The following CHSY1 variants were observed in gnomAD, a reference collection of about 807,000 sequenced individuals.
CHSY1 encodes the protein N-acetylgalactosaminyl-proteoglycan 3-beta-glucuronosyltransferase 1.
CHSY1 carries 13 observed loss-of-function variants against 59.8 expected under a neutral mutation model. The observed-to-expected ratio is 0.22, with a 90% CI of 0.14 to 0.35. CHSY1 has a LOEUF of 0.35. Among genes scored for constraint, CHSY1 ranks in the 10% least tolerant of loss-of-function variants. The pLI is 1.00. For synonymous variants in CHSY1, 459 were observed against 401.2 expected, an observed-to-expected ratio of 1.14 and a Z score of -1.72; for missense variants, 947 against 1,030.6, an observed-to-expected ratio of 0.92 and a Z score of 1.11.
chr15:101,189,156 G>A (rs1281499962), intron 2 of CHSY1, among the ~76,000 whole-genome samples: 1 of 152,188 alleles, frequency 6.6e-6, no homozygotes, highest in East Asian at 1.9e-4. Context: ...CGAGCGTGGC[G>A]GGCGAAAGAG....
chr15:101,201,359 G>A (rs1308900947), intron 2 of CHSY1, among the ~76,000 whole-genome samples: 1 of 152,184 alleles, frequency 6.6e-6, no homozygotes, highest in Admixed American at 6.5e-5. Context: ...CAACGTTAAG[G>A]CATCCTGGCA....
Position 101,250,226 on chromosome 15 carries a change from A to G in CHSY1, c.320+911T>C, listed in dbSNP as rs575300210. ...ACATTGGTTTGCTCTGTGGCTGGAT[A>G]AGACCCAAACTTTATCCATACAGTA... is the stretch of plus-strand genomic sequence containing the variant. On this transcript the variant is annotated intron_variant, in intron 1 of 2. Transcript: ENST00000254190. Among the ~76,000 whole-genome samples the G allele has an allele frequency of 5.3e-5, 8 of 152,320 alleles. No individual in the cohort carries two copies. The South Asian group carries it at 1.4e-3, about 28-fold the overall frequency.
intron 2 of CHSY1, among the ~76,000 whole-genome samples, chr15:101,210,263 G>A (rs2038670625): frequency 6.6e-6 from 1 of 152,204 alleles, no homozygotes; most frequent in African/African-American, 2.4e-5. Flanking sequence ...TCTGCATAAT[G>A]TGCAAAGCAA....
intron 2 of CHSY1, among the ~76,000 whole-genome samples, chr15:101,200,471 G>T (rs1335645334): frequency 6.6e-6 from 1 of 152,166 alleles, no homozygotes; most frequent in Non-Finnish European, 1.5e-5. Context: ...AGTCACAAAA[G>T]TCTTTTCTGG....
intron 2 of CHSY1, among the ~76,000 whole-genome samples, chr15:101,221,901 C>T (rs1245109533): frequency 2.6e-5 from 4 of 151,396 alleles, no homozygotes; most frequent in Admixed American, 2.6e-4. Flanking sequence ...TTTAAAATCC[C>T]TGCCAGAGTT....
chr15:101,214,892 A>G (rs2141262903), intron 2 of CHSY1, among the ~76,000 whole-genome samples: 1 of 151,534 alleles, frequency 6.6e-6, no homozygotes, highest in Non-Finnish European at 1.5e-5. Flanking sequence ...AGGTGGCTGG[A>G]TCATGGAGGT....
chr15:101,224,566 G>A (rs1353482320), intron 2 of CHSY1, among the ~76,000 whole-genome samples: 3 of 152,268 alleles, frequency 2.0e-5, no homozygotes, highest in African/African-American at 4.8e-5. Flanking sequence ...TGTCAACAGC[G>A]CAGATCACTG....
intron 1 of CHSY1, among the ~76,000 whole-genome samples, chr15:101,235,938 A>C (rs2038936586): frequency 6.6e-6 from 1 of 152,230 alleles, no homozygotes; most frequent in Non-Finnish European, 1.5e-5. Flanking sequence ...AAACAAAATC[A>C]AATGGTTCAC....
chr15:101,238,690 A>C (rs536529959), intron 1 of CHSY1, among the ~76,000 whole-genome samples: 1 of 152,356 alleles, frequency 6.6e-6, no homozygotes, highest in South Asian at 2.1e-4. Flanking sequence ...ATGGATTTAA[A>C]ATGGACCTGT....
At chr15:101,217,678 C>G (rs1193345874) in intron 2 of CHSY1, among the ~76,000 whole-genome samples, 1 of 152,042 alleles carries the variant, frequency 6.6e-6, no homozygotes, top group Non-Finnish European at 1.5e-5. Context: ...ACAAGTTTAG[C>G]AACAAAATAA....
intron 1 of CHSY1, among the ~76,000 whole-genome samples, chr15:101,250,503 G>T (rs1202202374): frequency 6.6e-6 from 1 of 152,162 alleles, no homozygotes; most frequent in Non-Finnish European, 1.5e-5. Context: ...CCACCAAGCT[G>T]AACTAATTAA....
chr15:101,200,799 C>A (rs1214803736), intron 2 of CHSY1, among the ~76,000 whole-genome samples: 1 of 152,140 alleles, frequency 6.6e-6, no homozygotes, highest in Non-Finnish European at 1.5e-5. Context: ...AATATGGAAC[C>A]CTGGTCATGT....
chr15:101,239,194 G>A (rs1247454084), intron 1 of CHSY1, among the ~76,000 whole-genome samples: 1 of 152,230 alleles, frequency 6.6e-6, no homozygotes, highest in Non-Finnish European at 1.5e-5. Flanking sequence ...GTCACTAAAT[G>A]TGTGCACTGA....
At chr15:101,246,568 A>G (rs544424120) in intron 1 of CHSY1, among the ~76,000 whole-genome samples, 1 of 152,310 alleles carries the variant, frequency 6.6e-6, no homozygotes, top group African/African-American at 2.4e-5. Context: ...CAACGGAACA[A>G]AACATGAAGT....
At chr15:101,203,905 C>T (rs909963103) in intron 2 of CHSY1, among the ~76,000 whole-genome samples, 1 of 152,202 alleles carries the variant, frequency 6.6e-6, no homozygotes, top group Non-Finnish European at 1.5e-5. Context: ...TGACCCTAGA[C>T]TACACTCTGG....
rs142935574 is a variant in CHSY1, at chr15:101,206,966, T to C, written c.817-27986A>G. Among the ~76,000 whole-genome samples, 8 of 152,350 alleles carry C rather than the reference T, an allele frequency of 5.3e-5. No homozygotes were observed. In the East Asian group the frequency reaches 1.5e-3, roughly 29 times the overall value. ...ATGTTCTAGGAACGTATGCCACGCA[T>C]TTCCACTGGCTATCCAGTACCACTC... On this transcript the variant is annotated intron_variant, in intron 2 of 2. Transcript: ENST00000254190.
Position 101,195,756 on chromosome 15 carries a change from C to T in CHSY1, c.817-16776G>A, listed in dbSNP as rs551534634. Among the ~76,000 whole-genome samples the T allele has an allele frequency of 1.4e-4, 20 of 144,128 alleles. No individual in the cohort carries two copies. The South Asian group carries it at 2.3e-3, about 16-fold the overall frequency. The allele number at this position is 144,128 out of a possible 152,430, so 94.6% of individuals were successfully genotyped here. A position where few individuals can be genotyped will look rare whatever the true frequency, so the allele number is the denominator to read the frequency against. ...GAGAGAATGGTGTGAACCTGGGAGG[C>T]GGAGCTTGCAGTGAGCCGAGATAGT... On this transcript the variant is annotated intron_variant, in intron 2 of 2. Coordinates refer to ENST00000254190, the MANE Select transcript of CHSY1 (RefSeq NM_014918.5).
chr15:101,209,307 G>A (rs11635568), intron 2 of CHSY1, among the ~76,000 whole-genome samples: 14,673 of 152,198 alleles, frequency 0.096, 997 homozygotes, highest in Middle Eastern at 0.17. Context: ...TGGTCTGTAA[G>A]CTCCAGAAGT....
At chr15:101,182,075 G>A (rs375209640) in intron 2 of CHSY1, among the ~76,000 whole-genome samples, 1 of 152,114 alleles carries the variant, frequency 6.6e-6, no homozygotes, top group African/African-American at 2.4e-5. Flanking sequence ...AAAATCAACC[G>A]TCTGTATCTG....
Sources: allele counts gnomAD v4.1 joint callset (sites outside exome capture counted in the v4.1 genomes callset), GRCh38; gene constraint gnomAD v4.1.1; transcripts MANE v1.5; gene names NCBI Gene and HGNC (gene_info 2026-07-23, HGNC 2026-07-21).